Variants in EHMT1 observed in about 807,000 individuals in gnomAD.
EHMT1 encodes histone-lysine N-methyltransferase EHMT1.
Under a neutral mutation model 147.2 loss-of-function variants are expected in EHMT1, and 15 were observed. That is an observed-to-expected ratio of 0.10 (90% CI 0.07 to 0.16). EHMT1 has a LOEUF of 0.16. Ranked by LOEUF, EHMT1 falls within the 10% of genes least tolerant of loss-of-function variation. The pLI, the probability that EHMT1 is intolerant of heterozygous loss-of-function variation, is 1.00. For synonymous variants in EHMT1, 795 were observed against 709.6 expected, an observed-to-expected ratio of 1.12 and a Z score of -1.91; for missense variants, 1,587 against 1,772.4, an observed-to-expected ratio of 0.90 and a Z score of 1.88.
intron 1 of EHMT1, among the ~76,000 whole-genome samples, chr9:137,670,269 C>G (rs1184598499): frequency 6.6e-6 from 1 of 152,060 alleles, no homozygotes; most frequent in African/African-American, 2.4e-5. Flanking sequence ...GTGTGTGCAT[C>G]CTCCCTCATT....
intron 1 of EHMT1, among the ~76,000 whole-genome samples, chr9:137,708,841 A>G (rs557540379): frequency 1.1e-4 from 16 of 152,318 alleles, no homozygotes; most frequent in African/African-American, 3.4e-4. Flanking sequence ...TCTGAGTGGC[A>G]TACATTTTGC....
chr9:137,629,960 A>G (rs1014223711), intron 1 of EHMT1, among the ~76,000 whole-genome samples: 1 of 151,578 alleles, frequency 6.6e-6, no homozygotes, highest in African/African-American at 2.4e-5. Context: ...TTCATGTATT[A>G]AAAAAAAATC....
intron 3 of EHMT1, among the ~76,000 whole-genome samples, chr9:137,717,626 A>AAAAAGAG (rs1554847272): frequency 6.4e-5 from 9 of 140,300 alleles, no homozygotes; most frequent in African/African-American, 1.6e-4. Context: ...AAAAAAAAAA[A>AAAAAGAG]GAGATGCTGC....
At chr9:137,762,527 C>T (rs766727846) in intron 9 of EHMT1, 148 bp from the exon 10 acceptor site, 533 of 1,389,292 alleles carry the variant, frequency 3.8e-4, no homozygotes, top group Non-Finnish European at 4.9e-4. Flanking sequence ...ATCCCCGCCC[C>T]ACGCAGGGCT....
At position 137,716,710 on chromosome 9, in the gene EHMT1, C is replaced by T. The variant is rs1245871526; in HGVS notation, c.170C>T (p.Ser57Phe). 6.2e-7 allele frequency: 1 copy of T among 1,611,482 alleles called. No individual in the cohort carries two copies. The highest frequency in any genetic ancestry group is 8.5e-7 in the Non-Finnish European group (1 of 1,178,632). Residue 57 changes from serine (S) to phenylalanine (F), a missense_variant, in exon 3 of 27, where the codon TCT (serine) becomes TTT (phenylalanine). Ser to Phe is a radical substitution (Grantham distance 155). Around this residue, in one of 7 missense-constraint regions of EHMT1, gnomAD observed 810 missense variants for 673.0 expected, o/e 1.20. Coordinates refer to ENST00000460843, the MANE Select transcript of EHMT1 (RefSeq NM_024757.5). ...HMAADGETNG[S>F]CENSDASSHA... Reference sequence around the variant, plus strand: ...GCTGCGGACGGTGAGACCAATGGGTCTTGTGAAAACAGCGATGCCAGCAGT... The same window carrying T: ...GCTGCGGACGGTGAGACCAATGGGTTTTGTGAAAACAGCGATGCCAGCAGT...
intron 18 of EHMT1, among the ~76,000 whole-genome samples, chr9:137,810,315 AACTGGAGGAGGCCTCAGT>A (rs1954361159): frequency 6.6e-6 from 1 of 150,764 alleles, no homozygotes. Context: ...GCACGGCGCC[AACTGGAGGAGGCCTCAGT>A]ACCTGGGAGC....
chr9:137,662,999 G>A (rs1358651673), intron 1 of EHMT1, among the ~76,000 whole-genome samples: 1 of 151,592 alleles, frequency 6.6e-6, no homozygotes. Flanking sequence ...TTGCCATGTT[G>A]GCCAGGCTGG....
intron 6 of EHMT1, among the ~76,000 whole-genome samples, chr9:137,748,346 A>C (rs1948712591): frequency 1.3e-5 from 2 of 152,196 alleles, no homozygotes. Flanking sequence ...GCGGGGCCTT[A>C]GGCCAGGGAG....
rs1030480212 is a variant in EHMT1 at position 137,814,496 on chromosome 9, C to T, written c.3246C>T (p.Cys1082=). 3 of 1,606,984 alleles carry T rather than the reference C, an allele frequency of 1.9e-6. No individual in the cohort carries two copies. Among genetic ancestry groups the T allele is most frequent in the Non-Finnish European group, 2.5e-6 (3 of 1,180,004 alleles). Residue 1082 remains cysteine, a synonymous_variant, in exon 22 of 27, where the codon TGC becomes TGT. Transcript: ENST00000460843. ...TGTGCGGCCAGCTCAGCATGCGCTGCTGGTACGACAAGGTGAGGGCGGCCT... is the reference window on the plus strand; with the variant it reads ...TGTGCGGCCAGCTCAGCATGCGCTGTTGGTACGACAAGGTGAGGGCGGCCT... ...NCMCGQLSMR[C]WYDKDGRLLP... is the part of the protein sequence containing the mutation.
intron 1 of EHMT1, among the ~76,000 whole-genome samples, chr9:137,656,123 T>C (rs1310621735): frequency 1.3e-5 from 2 of 152,300 alleles, no homozygotes; most frequent in African/African-American, 4.8e-5. Context: ...CTCACACCTA[T>C]AATCCCAGCA....
chr9:137,626,326 G>T (rs114193754), intron 1 of EHMT1, among the ~76,000 whole-genome samples: 5 of 151,450 alleles, frequency 3.3e-5, no homozygotes, highest in Non-Finnish European at 5.9e-5. Context: ...AAATGTCTCA[G>T]CCTGTGCAAC....
At chr9:137,761,378 T>TTGTC (rs1397159080) in intron 9 of EHMT1, among the ~76,000 whole-genome samples, 1 of 152,254 alleles carries the variant, frequency 6.6e-6, no homozygotes, top group African/African-American at 2.4e-5. Context: ...TCAACTGGCT[T>TTGTC]TGTCTGTTCA....
chr9:137,647,603 T>G (rs1402054716), intron 1 of EHMT1, among the ~76,000 whole-genome samples: 1 of 151,102 alleles, frequency 6.6e-6, no homozygotes, highest in Non-Finnish European at 1.5e-5. Flanking sequence ...CCTTTTTTTT[T>G]TTTTTTTTTG....
rs1185116191 is a variant in EHMT1 at position 137,813,804 on chromosome 9, C to G, written c.3180+274C>G. ...AGGCATCTTTGTGCCTTTTTTGTAA[C>G]CTCACACTCAGGGGCCCCGGTGTGG... is the stretch of plus-strand genomic sequence containing the variant. On this transcript the variant is annotated intron_variant, in intron 21 of 26. Coordinates refer to ENST00000460843, the MANE Select transcript of EHMT1 (RefSeq NM_024757.5). This position sits in a 1 kb window ranked among gnomAD's most constrained non-coding sequence, Gnocchi z 4.9. Among the ~76,000 whole-genome samples, 1 of 152,142 alleles carries G rather than the reference C, an allele frequency of 6.6e-6. No individual in the cohort carries two copies. The highest frequency in any genetic ancestry group is 1.5e-5 in the Non-Finnish European group (1 of 68,012).
intron 3 of EHMT1, among the ~76,000 whole-genome samples, chr9:137,723,984 G>A (rs972198896): frequency 3.3e-5 from 5 of 152,204 alleles, no homozygotes; most frequent in East Asian, 1.9e-4. Context: ...GGAAGTCGCC[G>A]GAAGGGAACA....
At chr9:137,672,362 G>A (rs1233237664) in intron 1 of EHMT1, among the ~76,000 whole-genome samples, 4 of 152,134 alleles carry the variant, frequency 2.6e-5, no homozygotes, top group African/African-American at 9.7e-5. Context: ...ACATGTAGTA[G>A]GTTTATTGTT....
intron 15 of EHMT1, chr9:137,784,341 CA>C: frequency 7.8e-7 from 1 of 1,288,844 alleles, no homozygotes; most frequent in Non-Finnish European, 9.8e-7. Flanking sequence ...GGCCCAGCCT[CA>C]AAACCTCATT....
intron 1 of EHMT1, among the ~76,000 whole-genome samples, chr9:137,699,774 A>T (rs752850375): frequency 9.9e-5 from 15 of 152,120 alleles, no homozygotes; most frequent in Non-Finnish European, 1.9e-4. Flanking sequence ...TCTTGAGCCC[A>T]GGAGTTGGAG....
chr9:137,718,303 T>C (rs1285585028), intron 3 of EHMT1, among the ~76,000 whole-genome samples: 1 of 152,266 alleles, frequency 6.6e-6, no homozygotes, highest in Non-Finnish European at 1.5e-5. Context: ...GTTTTCAAAG[T>C]GTTCATGGTG....
Sources: gnomAD v4.1 joint callset for allele counts (sites outside exome capture counted in the v4.1 genomes callset) on GRCh38, gnomAD v4.1.1 for gene constraint, gnomAD v4.1.1 regional missense constraint, Gnocchi (gnomAD v3.1) non-coding constraint, MANE v1.5 for transcripts, NCBI Gene and HGNC (gene_info 2026-07-23, HGNC 2026-07-21) for gene names.